Variants in FIG4 observed in about 807,000 individuals in gnomAD.
FIG4 encodes the protein polyphosphoinositide phosphatase.
In FIG4, 112 loss-of-function variants were observed where a neutral mutation model predicts 118.6. The observed-to-expected ratio is 0.94, with a 90% CI of 0.81 to 1.11. The LOEUF is 1.11. Among genes scored for constraint, FIG4 ranks in the 50% least tolerant of loss-of-function variants. FIG4 has a pLI of 0.00. For missense variants in FIG4, 969 were observed against 1,111.7 expected (o/e 0.87, Z 1.83); for synonymous variants, 369 against 381.2 (o/e 0.97, Z 0.37).
At chr6:109,784,026 G>C (rs1280016482) in intron 16 of FIG4, among the ~76,000 whole-genome samples, 2 of 152,040 alleles carry the variant, frequency 1.3e-5, no homozygotes, top group Non-Finnish European at 2.9e-5. Context: ...ATACTTTCCT[G>C]TTGCTTCATA....
At chr6:109,732,745 A>G in intron 5 of FIG4, 58 bp downstream of exon 5, 1 of 1,016,180 alleles carries the variant, frequency 9.8e-7, no homozygotes, top group East Asian at 2.4e-5. Context: ...ATTATTTTCC[A>G]GCGGGTAAAA....
chr6:109,796,611 A>G (rs1778293851), intron 21 of FIG4, among the ~76,000 whole-genome samples, 154 bp from the exon 22 acceptor site: 1 of 152,268 alleles, frequency 6.6e-6, no homozygotes, highest in Admixed American at 6.5e-5. Context: ...CTTTAAAATC[A>G]GGCAAAGTCT....
intron 22 of FIG4, among the ~76,000 whole-genome samples, chr6:109,816,022 T>TA (rs1778853569): frequency 6.6e-6 from 1 of 152,066 alleles, no homozygotes; most frequent in African/African-American, 2.4e-5. Flanking sequence ...TTTTAAAAGA[T>TA]AAAAAAATAC....
At position 109,707,474 on chromosome 6, in the gene FIG4, T is replaced by A. The variant is rs532356925; in HGVS notation, c.67-7604T>A. Among the ~76,000 whole-genome samples, 281 of 150,106 alleles carry A rather than the reference T, an allele frequency of 1.9e-3. 2 individuals carry two copies. Among genetic ancestry groups the A allele is most frequent in the African/African-American group, 6.5e-3 (268 of 41,094 alleles). ...ACACATATATACACATATATATACTTAATAGTAAAAATTCCATGTATTTCT... is the reference window on the plus strand; with the variant it reads ...ACACATATATACACATATATATACTAAATAGTAAAAATTCCATGTATTTCT... On this transcript the variant is annotated intron_variant, in intron 1 of 22. Transcript: ENST00000230124.
At chr6:109,822,803 A>G (rs867270987) in intron 22 of FIG4, among the ~76,000 whole-genome samples, 13 of 123,244 alleles carry the variant, frequency 1.1e-4, no homozygotes, top group African/African-American at 4.9e-4. Context: ...ATATATATAT[A>G]TATATATATA....
chr6:109,818,202 C>CT lies in FIG4; in HGVS notation c.2547-6871dup, dbSNP rs71830695. On this transcript the variant is annotated intron_variant, in intron 22 of 22. Coordinates refer to ENST00000230124, the MANE Select transcript of FIG4 (RefSeq NM_014845.6). ...AGAGATGGAGACGCTATTCACATAACTTTTTTTTTTTTTTTAAGACAGAGT... is the reference window on the plus strand; with the variant it reads ...AGAGATGGAGACGCTATTCACATAACTTTTTTTTTTTTTTTTAAGACAGAGT... 4.6e-3 allele frequency among the ~76,000 whole-genome samples: 670 copies of CT among 144,750 alleles called. 6 individuals carry two copies. Among genetic ancestry groups the CT allele is most frequent in the African/African-American group, 0.012 (485 of 39,928 alleles). The allele number at this position is 144,750 out of a possible 152,430, so 95.0% of individuals were successfully genotyped here. A position where few individuals can be genotyped will look rare whatever the true frequency, so the allele number is the denominator to read the frequency against.
Position 109,789,652 on chromosome 6 carries a change from G to A in FIG4, c.2155G>A (p.Asp719Asn). The A allele has an allele frequency of 1.2e-6, 2 of 1,613,138 alleles. No individual in the cohort carries two copies. Among genetic ancestry groups the A allele is most frequent in the Non-Finnish European group, 1.7e-6 (2 of 1,179,224 alleles). Reference protein sequence around the residue: ...DPSPFTVRKPDETGKSVLGNK... With the variant: ...DPSPFTVRKPNETGKSVLGNK... ...AAGTCCATTTACTGTGCGTAAACCA[G>A]ATGAAACTGGAAAATCAGTATTGGG... is the stretch of plus-strand genomic sequence containing the variant. The change falls in exon 19 of 23, where the codon GAT becomes AAT. Residue 719 changes from aspartate to asparagine, a missense_variant. This residue lies in a region of FIG4 where 330 missense variants were observed against 348.1 expected (regional missense o/e 0.95). Transcript: ENST00000230124.
At chr6:109,784,162 T>A (rs1034909523) in intron 16 of FIG4, among the ~76,000 whole-genome samples, 6 of 152,172 alleles carry the variant, frequency 3.9e-5, no homozygotes, top group African/African-American at 1.4e-4. Flanking sequence ...ATCTGATTTT[T>A]AAAAAATTCT....
chr6:109,824,206 T>C (rs775288370), intron 22 of FIG4, among the ~76,000 whole-genome samples: 14 of 152,168 alleles, frequency 9.2e-5, no homozygotes, highest in Non-Finnish European at 1.9e-4. Flanking sequence ...AGAGAGATTA[T>C]TGGGTGCTTT....
At chr6:109,767,442 A>G (rs1363603726) in intron 15 of FIG4, among the ~76,000 whole-genome samples, 1 of 152,218 alleles carries the variant, frequency 6.6e-6, no homozygotes, top group East Asian at 1.9e-4. Flanking sequence ...GGTATCACAG[A>G]CCAAAGTGAT....
rs2128392626 is a variant in FIG4 at position 109,766,857 on chromosome 6, T to G, written c.1712T>G (p.Met571Arg). The change falls in exon 15 of 23, where the codon ATG becomes AGG. Residue 571 changes from methionine (M) to arginine (R), a missense_variant. Transcript: ENST00000230124. ...APWTQHSKDI[M>R]QTLSRYYSNA... Reference sequence around the variant, plus strand: ...TGGACCCAGCACTCCAAAGACATCATGCAAACCCTGTCTAGATATTACAGC... The same window carrying G: ...TGGACCCAGCACTCCAAAGACATCAGGCAAACCCTGTCTAGATATTACAGC... 2.5e-6 allele frequency: 4 copies of G among 1,614,160 alleles called. No homozygotes were observed. The highest frequency in any genetic ancestry group is 1.1e-5 in the South Asian group (1 of 91,090).
rs183894090 is a variant in FIG4 at position 109,710,125 on chromosome 6, G to A, written c.67-4953G>A. 3.1e-4 allele frequency among the ~76,000 whole-genome samples: 47 copies of A among 152,196 alleles called. No individual in the cohort carries two copies. The South Asian group carries it at 8.9e-3, about 29-fold the overall frequency. On this transcript the variant is annotated intron_variant, in intron 1 of 22. Transcript: ENST00000230124. The stretch of plus-strand genomic sequence containing the variant: ...CATATATGGTTTTTATTAATTTGAG[G>A]TATGTTCCTTCGATACCTTGCTTAT...
intron 3 of FIG4, among the ~76,000 whole-genome samples, chr6:109,717,151 A>ATCT (rs1455934300): frequency 1.3e-5 from 2 of 152,164 alleles, no homozygotes; most frequent in African/African-American, 2.4e-5. Context: ...GACACAGAGA[A>ATCT]GCAGCTTTGG....
chr6:109,733,709 C>T (rs1349510965), intron 5 of FIG4, among the ~76,000 whole-genome samples: 3 of 151,926 alleles, frequency 2.0e-5, no homozygotes, highest in Non-Finnish European at 2.9e-5. Context: ...CTTCCACACA[C>T]GTTTATTGAA....
chr6:109,785,625 A>G (rs539850932), intron 17 of FIG4: 5 of 467,026 alleles, frequency 1.1e-5, no homozygotes, highest in South Asian at 4.7e-5. Context: ...TGGCTTTGTT[A>G]CTAACTCCCC....
At chr6:109,817,701 C>T (rs1379527268) in intron 22 of FIG4, among the ~76,000 whole-genome samples, 1 of 152,142 alleles carries the variant, frequency 6.6e-6, no homozygotes, top group Non-Finnish European at 1.5e-5. Context: ...CTTTCTCTCT[C>T]CTTGAGGAGC....
At chr6:109,735,524 C>A (rs973787461) in intron 6 of FIG4, among the ~76,000 whole-genome samples, 2 of 152,086 alleles carry the variant, frequency 1.3e-5, no homozygotes, top group Non-Finnish European at 2.9e-5. Context: ...CTGACATTTT[C>A]TAGCAATTAT....
intron 16 of FIG4, among the ~76,000 whole-genome samples, chr6:109,780,177 G>C (rs149067023): frequency 8.5e-5 from 13 of 152,280 alleles, no homozygotes; most frequent in African/African-American, 2.9e-4. Flanking sequence ...CATATAAATG[G>C]TTAGCACCTA....
rs1317781841 is a variant in FIG4, at chr6:109,761,020, TTAC to T, written c.1271+641_1271+643del. 2.6e-5 allele frequency among the ~76,000 whole-genome samples: 4 copies of T among 152,232 alleles called. No homozygotes were observed. In the East Asian group the frequency reaches 7.7e-4, roughly 29 times the overall value. Reference sequence around the variant, plus strand: ...AATCTTGCATTGTCTTTTTGTTCACTTACTACAGAATCATACAAGCTGTAGGTT... The same window carrying T: ...AATCTTGCATTGTCTTTTTGTTCACTTACAGAATCATACAAGCTGTAGGTT... On this transcript the variant is annotated intron_variant, in intron 11 of 22. Transcript: ENST00000230124.
Sources: gnomAD v4.1 joint callset for allele counts (sites outside exome capture counted in the v4.1 genomes callset) on GRCh38, gnomAD v4.1.1 for gene constraint, gnomAD v4.1.1 regional missense constraint, MANE v1.5 for transcripts, NCBI Gene and HGNC (gene_info 2026-07-23, HGNC 2026-07-21) for gene names.